Variants in TOX observed in about 807,000 individuals in gnomAD.
The protein encoded by TOX is thymocyte selection associated high mobility group box, also known as thymocyte selection-associated high mobility group box protein TOX.
In TOX, 11 loss-of-function variants were observed where a neutral mutation model predicts 53.7. That is an observed-to-expected ratio of 0.20 (90% CI 0.13 to 0.34). The LOEUF is 0.34. Among genes scored for constraint, TOX ranks in the 10% least tolerant of loss-of-function variants. The pLI, the probability that TOX is intolerant of heterozygous loss-of-function variation, is 1.00. For missense variants in TOX, 570 were observed against 664.6 expected, an observed-to-expected ratio of 0.86 and a Z score of 1.56; for synonymous variants, 225 against 245.3, an observed-to-expected ratio of 0.92 and a Z score of 0.77.
intron 1 of TOX, among the ~76,000 whole-genome samples, chr8:59,009,975 A>G (rs184597415): frequency 2.0e-5 from 3 of 152,352 alleles, no homozygotes; most frequent in Non-Finnish European, 2.9e-5. Context: ...ATGGAAGGAG[A>G]ATAGAATGTC....
chr8:59,116,616 T>C (rs1805103528), intron 1 of TOX, among the ~76,000 whole-genome samples: 1 of 152,174 alleles, frequency 6.6e-6, no homozygotes, highest in South Asian at 2.1e-4. Context: ...CAGTGACAAA[T>C]ATATCTGATG....
At chr8:58,813,443 A>C (rs1273324394) in intron 7 of TOX, among the ~76,000 whole-genome samples, 1 of 152,216 alleles carries the variant, frequency 6.6e-6, no homozygotes. Flanking sequence ...TTAGCTAGGC[A>C]GCACCCTCAA....
intron 1 of TOX, among the ~76,000 whole-genome samples, chr8:59,079,902 G>C (rs1804369289): frequency 6.6e-6 from 1 of 152,182 alleles, no homozygotes; most frequent in African/African-American, 2.4e-5. Context: ...CACAGGAGTG[G>C]AGCTGCCCAA....
Position 59,117,333 on chromosome 8 carries a change from C to T in TOX, c.102+1553G>A, listed in dbSNP as rs1051833602. On this transcript the variant is annotated intron_variant, in intron 1 of 8. Transcript: ENST00000361421. The surrounding 1 kb of genome is among the most constrained non-coding windows in gnomAD (Gnocchi z 4.6). ...TAATGAAACTTCATCACACAAACTC[C>T]TATGCGCTTGCCAAAGTTCCCCGTA... Among the ~76,000 whole-genome samples, 2 of 152,234 alleles carry T rather than the reference C, an allele frequency of 1.3e-5. No homozygotes were observed. Among genetic ancestry groups the T allele is most frequent in the African/African-American group, 4.8e-5 (2 of 41,456 alleles).
At chr8:58,862,466 G>A (rs1407851987) in intron 3 of TOX, among the ~76,000 whole-genome samples, 1 of 152,074 alleles carries the variant, frequency 6.6e-6, no homozygotes, top group Non-Finnish European at 1.5e-5. Flanking sequence ...ATAAAAACTA[G>A]TGACTGCTAT....
At chr8:58,816,814 C>T (rs999194314) in intron 6 of TOX, among the ~76,000 whole-genome samples, 4 of 152,188 alleles carry the variant, frequency 2.6e-5, no homozygotes, top group Admixed American at 2.0e-4. Context: ...GCTCAATGCA[C>T]CACCGGGCAA....
At chr8:58,895,721 A>AT (rs1453952753) in intron 3 of TOX, among the ~76,000 whole-genome samples, 3 of 152,094 alleles carry the variant, frequency 2.0e-5, no homozygotes, top group Non-Finnish European at 4.4e-5. Flanking sequence ...CCACAACTCC[A>AT]TTTTTCTCTG....
intron 3 of TOX, among the ~76,000 whole-genome samples, chr8:58,914,174 C>A (rs1312557270): frequency 6.6e-6 from 1 of 152,144 alleles, no homozygotes; most frequent in Non-Finnish European, 1.5e-5. Context: ...TGGGAAGAAC[C>A]CAAAGAGAGT....
chr8:58,921,365 C>T (rs906632201), intron 3 of TOX, among the ~76,000 whole-genome samples: 3 of 152,238 alleles, frequency 2.0e-5, no homozygotes, highest in East Asian at 1.9e-4. Flanking sequence ...TAGATAGGAA[C>T]GAATCGGATC....
At chr8:58,879,528 T>TAGTTA (rs1563377775) in intron 3 of TOX, among the ~76,000 whole-genome samples, 2 of 151,460 alleles carry the variant, frequency 1.3e-5, no homozygotes. Context: ...AAACATATTT[T>TAGTTA]TAGTTATTAC....
chr8:59,057,766 A>G (rs765313902), intron 1 of TOX, among the ~76,000 whole-genome samples: 2 of 152,224 alleles, frequency 1.3e-5, no homozygotes. Flanking sequence ...TACAAGCAAT[A>G]TGTATTCCTT....
intron 3 of TOX, among the ~76,000 whole-genome samples, chr8:58,861,921 C>T (rs543776065): frequency 1.1e-4 from 17 of 152,208 alleles, no homozygotes; most frequent in Admixed American, 4.6e-4. Flanking sequence ...ATTAGATACA[C>T]GTGACATTCA....
chr8:59,077,833 A>G (rs902827747), intron 1 of TOX, among the ~76,000 whole-genome samples: 4 of 152,198 alleles, frequency 2.6e-5, no homozygotes, highest in African/African-American at 7.2e-5. Context: ...TAAAGAATAG[A>G]GGCAATTGAA....
At chr8:58,821,294 TC>T (rs1033759823) in intron 6 of TOX, among the ~76,000 whole-genome samples, 1 of 151,850 alleles carries the variant, frequency 6.6e-6, no homozygotes, top group African/African-American at 2.4e-5. Context: ...TGCAAATCTT[TC>T]CCCCCTCCTT....
intron 3 of TOX, among the ~76,000 whole-genome samples, chr8:58,924,307 C>G (rs1299221416): frequency 6.6e-6 from 1 of 152,314 alleles, no homozygotes; most frequent in Non-Finnish European, 1.5e-5. Context: ...ACAGTATATA[C>G]AGAGTTGTCC....
intron 1 of TOX, among the ~76,000 whole-genome samples, chr8:59,076,101 GA>G (rs1190187019): frequency 6.6e-6 from 1 of 152,046 alleles, no homozygotes; most frequent in Non-Finnish European, 1.5e-5. Context: ...AACCAGGTTA[GA>G]AGAATCTTTC....
At chr8:58,828,336 G>A (rs1009119273) in intron 5 of TOX, among the ~76,000 whole-genome samples, 2 of 152,108 alleles carry the variant, frequency 1.3e-5, no homozygotes, top group South Asian at 2.1e-4. Flanking sequence ...TAAAGTGGGG[G>A]GCTTCAGCCT....
chr8:58,995,839 G>A (rs530006687), intron 1 of TOX, among the ~76,000 whole-genome samples: 8 of 152,114 alleles, frequency 5.3e-5, no homozygotes, highest in Non-Finnish European at 8.8e-5. Flanking sequence ...ATATCATTTC[G>A]ATTACTTTGT....
At chr8:58,868,751 G>T (rs1585869860) in intron 3 of TOX, among the ~76,000 whole-genome samples, 1 of 150,696 alleles carries the variant, frequency 6.6e-6, no homozygotes, top group African/African-American at 2.4e-5. Flanking sequence ...AATAACTTAA[G>T]CTTCTACCAT....
Sources: allele counts gnomAD v4.1 joint callset (sites outside exome capture counted in the v4.1 genomes callset), GRCh38; gene constraint gnomAD v4.1.1; non-coding constraint Gnocchi (gnomAD v3.1); transcripts MANE v1.5; gene names NCBI Gene and HGNC (gene_info 2026-07-23, HGNC 2026-07-21).